Variants in PIEZO2 observed in about 807,000 individuals in gnomAD.
The protein encoded by PIEZO2 is piezo type mechanosensitive ion channel component 2, also known as piezo-type mechanosensitive ion channel component 2.
Under a neutral mutation model 337.3 loss-of-function variants are expected in PIEZO2, and 172 were observed. That is an observed-to-expected ratio of 0.51 (90% CI 0.45 to 0.58). PIEZO2 has a LOEUF of 0.58. Ranked by LOEUF, PIEZO2 falls within the 20% of genes least tolerant of loss-of-function variation. The pLI is 0.00. For synonymous variants in PIEZO2, 1,251 were observed against 1,228.5 expected, an observed-to-expected ratio of 1.02 and a Z score of -0.38; for missense variants, 3,028 against 3,391.3, an observed-to-expected ratio of 0.89 and a Z score of 2.66.
rs556556730 is a variant in PIEZO2, at chr18:11,105,824, A to G, written c.65-39602T>C. On this transcript the variant is annotated intron_variant, in intron 1 of 55. Coordinates refer to ENST00000674853, the MANE Select transcript of PIEZO2 (RefSeq NM_001378183.1). This position sits in a 1 kb window ranked among gnomAD's most constrained non-coding sequence, Gnocchi z 4.3. ...GGACAACAACCAGCAGCACATTTAC[A>G]TTGATCCTCTCCAGGAAAGATCAGT... is the stretch of plus-strand genomic sequence containing the variant. Among the ~76,000 whole-genome samples the G allele has an allele frequency of 1.3e-5, 2 of 152,336 alleles. No individual in the cohort carries two copies. The highest frequency in any genetic ancestry group is 4.1e-4 in the South Asian group (2 of 4,828).
In PIEZO2 at chr18:10,824,259, GA is replaced by G; in HGVS notation, c.918-16986del. 6.6e-6 allele frequency among the ~76,000 whole-genome samples: 1 copy of G among 152,190 alleles called. No homozygotes were observed. The highest frequency in any genetic ancestry group is 3.4e-3 in the Middle Eastern group (1 of 294). On this transcript the variant is annotated intron_variant, in intron 7 of 55. Transcript: ENST00000674853. This position sits in a 1 kb window ranked among gnomAD's most constrained non-coding sequence, Gnocchi z 4.4. ...AGAGACAAGTCTCCATAGTCTGTGG[GA>G]AAAAATGTATTTAAAATAAAGGCAA...
In PIEZO2 at chr18:10,825,550, C is replaced by CTTTTTTTTTT. The variant is rs57159292; in HGVS notation, c.918-18286_918-18277dup. Among the ~76,000 whole-genome samples, 212 of 113,806 alleles carry CTTTTTTTTTT rather than the reference C, an allele frequency of 1.9e-3. 4 individuals are homozygous for CTTTTTTTTTT. The highest frequency in any genetic ancestry group is 7.3e-3 in the African/African-American group (199 of 27,434). 74.7% of individuals were successfully genotyped at this position (113,806 alleles called of 152,430 possible). A position where few individuals can be genotyped will look rare whatever the true frequency, so the allele number is the denominator to read the frequency against. ...TTTTTCCACTTTCTTTCCTTTCTTC[C>CTTTTTTTTTT]TTTTTTTTTTTTTTTTTTGAGACAG... is the stretch of plus-strand genomic sequence containing the variant. On this transcript the variant is annotated intron_variant, in intron 7 of 55. Coordinates refer to ENST00000674853, the MANE Select transcript of PIEZO2 (RefSeq NM_001378183.1).
chr18:10,948,254 T>G (rs2033125576), intron 3 of PIEZO2, among the ~76,000 whole-genome samples: 1 of 152,182 alleles, frequency 6.6e-6, no homozygotes, highest in Admixed American at 6.5e-5. Context: ...TTAAAATTAT[T>G]GTAACTATAA....
intron 1 of PIEZO2, among the ~76,000 whole-genome samples, chr18:11,066,950 A>G (rs2038174077): frequency 6.6e-6 from 1 of 152,198 alleles, no homozygotes; most frequent in Non-Finnish European, 1.5e-5. Flanking sequence ...TCAGTTTAAA[A>G]TACTCTGTGA....
At position 11,031,086 on chromosome 18, in the gene PIEZO2, TTCACA is replaced by T. The variant is rs1256960416; in HGVS notation, c.160+35036_160+35040del. On this transcript the variant is annotated intron_variant, in intron 2 of 55. Coordinates refer to ENST00000674853, the MANE Select transcript of PIEZO2 (RefSeq NM_001378183.1). This position sits in a 1 kb window ranked among gnomAD's most constrained non-coding sequence, Gnocchi z 4.7. The stretch of plus-strand genomic sequence containing the variant: ...CTCATTGCAAACGCCGCCTCCCGGG[TTCACA>T]CCATTCTCCTGCCTCAGCCTCTCGA... 6.6e-6 allele frequency among the ~76,000 whole-genome samples: 1 copy of T among 151,876 alleles called. No individual in the cohort carries two copies. Among genetic ancestry groups the T allele is most frequent in the Non-Finnish European group, 1.5e-5 (1 of 68,018 alleles).
rs373590087 is a variant in PIEZO2 at position 11,027,767 on chromosome 18, T to C, written c.160+38360A>G. ...CCATTCACTCTAACTCCAGGATTCA[T>C]AGTGATCTTGATCTATCATTTAGCG... On this transcript the variant is annotated intron_variant, in intron 2 of 55. Coordinates refer to ENST00000674853, the MANE Select transcript of PIEZO2 (RefSeq NM_001378183.1). The surrounding 1 kb of genome is among the most constrained non-coding windows in gnomAD (Gnocchi z 4.2). Among the ~76,000 whole-genome samples, 61 of 152,356 alleles carry C rather than the reference T, an allele frequency of 4.0e-4. 1 individual carries two copies. Among genetic ancestry groups the C allele is most frequent in the African/African-American group, 1.3e-3 (53 of 41,594 alleles).
At chr18:10,752,611 G>A in intron 28 of PIEZO2, 25 bp downstream of exon 28, 1 of 1,535,040 alleles carries the variant, frequency 6.5e-7, no homozygotes, top group South Asian at 1.2e-5. Flanking sequence ...AACCGCAAAT[G>A]TGTTATGCAG....
At chr18:11,100,494 G>A (rs936908040) in intron 1 of PIEZO2, among the ~76,000 whole-genome samples, 5 of 152,244 alleles carry the variant, frequency 3.3e-5, no homozygotes, top group Non-Finnish European at 7.4e-5. Context: ...TTTAAAAGAC[G>A]GCCTGCCCAT....
intron 49 of PIEZO2, among the ~76,000 whole-genome samples, chr18:10,683,805 G>A (rs975117241): frequency 7.9e-5 from 12 of 152,300 alleles, no homozygotes; most frequent in African/African-American, 2.9e-4. Context: ...GAAGATTAAT[G>A]TATCTCTGCC....
At position 11,038,881 on chromosome 18, in the gene PIEZO2, C is replaced by G. The variant is rs182937805; in HGVS notation, c.160+27246G>C. Among the ~76,000 whole-genome samples the G allele has an allele frequency of 2.1e-3, 326 of 152,214 alleles. 1 individual carries two copies. Among genetic ancestry groups the G allele is most frequent in the African/African-American group, 7.7e-3 (320 of 41,534 alleles). On this transcript the variant is annotated intron_variant, in intron 2 of 55. Coordinates refer to ENST00000674853, the MANE Select transcript of PIEZO2 (RefSeq NM_001378183.1). This position sits in a 1 kb window ranked among gnomAD's most constrained non-coding sequence, Gnocchi z 4.1. ...GCTTGAATTTTCCAATGTTTCCAAC[C>G]TCTTTAAGATAAAAAAGAAGACAGT...
In PIEZO2 at chr18:11,083,367, ATT is replaced by A. The variant is rs2038814785; in HGVS notation, c.65-17147_65-17146del. ...GAATTTCTCTCAGAAGAGGAACTAT[ATT>A]TGTTTGGATGTTTTCCTTGGTAAAT... On this transcript the variant is annotated intron_variant, in intron 1 of 55. Coordinates refer to ENST00000674853, the MANE Select transcript of PIEZO2 (RefSeq NM_001378183.1). The surrounding 1 kb of genome is among the most constrained non-coding windows in gnomAD (Gnocchi z 4.4). 6.6e-6 allele frequency among the ~76,000 whole-genome samples: 1 copy of A among 152,228 alleles called. No homozygotes were observed. Among genetic ancestry groups the A allele is most frequent in the Non-Finnish European group, 1.5e-5 (1 of 68,036 alleles).
At chr18:11,030,351 T>C (rs1231278587) in intron 2 of PIEZO2, among the ~76,000 whole-genome samples, 2 of 152,214 alleles carry the variant, frequency 1.3e-5, no homozygotes, top group African/African-American at 4.8e-5. Context: ...AAAGAGAGTA[T>C]TGCTTTTTAT....
rs548380005 is a variant in PIEZO2, at chr18:11,032,502, A to G, written c.160+33625T>C. Among the ~76,000 whole-genome samples, 1 of 152,356 alleles carries G rather than the reference A, an allele frequency of 6.6e-6. No individual in the cohort carries two copies. Among genetic ancestry groups the G allele is most frequent in the African/African-American group, 2.4e-5 (1 of 41,584 alleles). ...TCGAGTAAGTGTAAATGTGTTAGCC[A>G]GTCTGGCTGGCTATGGATGACGGGT... On this transcript the variant is annotated intron_variant, in intron 2 of 55. Transcript: ENST00000674853. The surrounding 1 kb of genome is among the most constrained non-coding windows in gnomAD (Gnocchi z 4.9).
At chr18:10,715,926 C>T in intron 37 of PIEZO2, 110 bp from the exon 38 acceptor site, 1 of 859,660 alleles carries the variant, frequency 1.2e-6, no homozygotes, top group Non-Finnish European at 1.7e-6. Flanking sequence ...TTGGCCCGTG[C>T]ATCTAATAAG....
intron 1 of PIEZO2, among the ~76,000 whole-genome samples, chr18:11,138,573 G>T (rs934955757): frequency 1.7e-4 from 26 of 152,296 alleles, no homozygotes; most frequent in African/African-American, 5.5e-4. Context: ...CGGATTACAG[G>T]CGTGAGCCAC....
rs1268131142 is a variant in PIEZO2 at position 10,799,564 on chromosome 18, C to T, written c.1378+773G>A. 2.0e-5 allele frequency among the ~76,000 whole-genome samples: 3 copies of T among 152,130 alleles called. No homozygotes were observed. The East Asian group carries it at 5.8e-4, about 29-fold the overall frequency. On this transcript the variant is annotated intron_variant, in intron 11 of 55. Coordinates refer to ENST00000674853, the MANE Select transcript of PIEZO2 (RefSeq NM_001378183.1). ...CAGCCCCAAGTCACCAATTTGTCAT[C>T]TTTAGTAATAGTGGTCTCCTTCAAC... is the stretch of plus-strand genomic sequence containing the variant.
intron 2 of PIEZO2, among the ~76,000 whole-genome samples, chr18:10,992,009 T>C (rs1370266052): frequency 6.6e-6 from 1 of 152,252 alleles, no homozygotes; most frequent in East Asian, 1.9e-4. Flanking sequence ...CATATGTTCA[T>C]TAGATGCATA....
In PIEZO2 at chr18:10,731,175, GATTATATATATATATATATATATAT is replaced by G. The variant is rs1219618270; in HGVS notation, c.5029+207_5029+231del. On this transcript the variant is annotated intron_variant, in intron 36 of 55. Coordinates refer to ENST00000674853, the MANE Select transcript of PIEZO2 (RefSeq NM_001378183.1). Reference sequence around the variant, plus strand: ...AACTCTCCTTTTTTCCTACTTAAAAGATTATATATATATATATATATATATATATATATATATATATATCTCCTAA... The same window carrying G: ...AACTCTCCTTTTTTCCTACTTAAAAGATATATATATATATATATCTCCTAA... 7.7e-3 allele frequency among the ~76,000 whole-genome samples: 904 copies of G among 117,812 alleles called. 28 individuals are homozygous for G. Among genetic ancestry groups the G allele is most frequent in the African/African-American group, 0.025 (826 of 33,244 alleles). The allele number at this position is 117,812 out of a possible 152,430, so 77.3% of individuals were successfully genotyped here. A position where few individuals can be genotyped will look rare whatever the true frequency, so the allele number is the denominator to read the frequency against.
At chr18:10,967,209 A>G (rs6505605) in intron 3 of PIEZO2, among the ~76,000 whole-genome samples, 78,407 of 151,452 alleles carry the variant, frequency 0.52, 20,634 homozygotes, top group African/African-American at 0.58. Context: ...AGTAGAGACA[A>G]GATTTCACCG....
Sources: allele counts gnomAD v4.1 joint callset (sites outside exome capture counted in the v4.1 genomes callset), GRCh38; gene constraint gnomAD v4.1.1; non-coding constraint Gnocchi (gnomAD v3.1); transcripts MANE v1.5; gene names NCBI Gene and HGNC (gene_info 2026-07-23, HGNC 2026-07-21).